Variants in LRRC7 observed in about 807,000 individuals in gnomAD.
The protein encoded by LRRC7 is leucine rich repeat containing 7.
A neutral mutation model predicts 175.7 loss-of-function variants in LRRC7; 23 were observed. The ratio of observed to expected loss-of-function variants is 0.13; its 90% CI spans 0.09 to 0.19. LRRC7 has a LOEUF of 0.19. Ranked by LOEUF, LRRC7 falls within the 10% of genes least tolerant of loss-of-function variation. The pLI, the probability that LRRC7 is intolerant of heterozygous loss-of-function variation, is 1.00. For synonymous variants in LRRC7, 685 were observed against 680.9 expected, an observed-to-expected ratio of 1.01 and a Z score of -0.09; for missense variants, 1,354 against 1,904.7, an observed-to-expected ratio of 0.71 and a Z score of 5.38.
intron 1 of LRRC7, among the ~76,000 whole-genome samples, chr1:69,583,277 TTAAC>T (rs1167061939): frequency 2.6e-5 from 4 of 152,020 alleles, no homozygotes; most frequent in African/African-American, 9.7e-5. Context: ...ATTTATTAAA[TTAAC>T]TATACTTTTA....
intron 1 of LRRC7, among the ~76,000 whole-genome samples, chr1:69,657,256 A>C (rs1656741624): frequency 6.6e-6 from 1 of 151,910 alleles, no homozygotes; most frequent in Non-Finnish European, 1.5e-5. Flanking sequence ...AGACTAAAAG[A>C]ATAATATTTA....
chr1:70,076,144 C>A lies in LRRC7; in HGVS notation c.4298C>A (p.Pro1433Gln), dbSNP rs1376546849. Residue 1433 changes from proline (P) to glutamine (Q), a missense_variant, in exon 24 of 27, where the codon CCG (proline) becomes CAG (glutamine). Physicochemically the swap from Pro to Gln is moderately conservative, Grantham distance 76. Transcript: ENST00000651989. The stretch of plus-strand genomic sequence containing the variant: ...CAGCATCGCAGCCGGGAGCAGCAGC[C>A]GTATGAAGGAAATATAAACAAAGTG... Reference protein sequence around the residue: ...SLQHRSREQQPYEGNINKVTI... With the variant: ...SLQHRSREQQQYEGNINKVTI... 1 of 1,613,866 alleles carries A rather than the reference C, an allele frequency of 6.2e-7. No homozygotes were observed. The highest frequency in any genetic ancestry group is 8.5e-7 in the Non-Finnish European group (1 of 1,179,976).
In LRRC7 at chr1:69,593,383, A is replaced by G. The variant is rs1259449403; in HGVS notation, c.2+24742A>G. Among the ~76,000 whole-genome samples, 6 of 152,218 alleles carry G rather than the reference A, an allele frequency of 3.9e-5. No homozygotes were observed. The South Asian group carries it at 1.2e-3, about 32-fold the overall frequency. On this transcript the variant is annotated intron_variant, in intron 1 of 26. Coordinates refer to ENST00000651989, the MANE Select transcript of LRRC7 (RefSeq NM_001370785.2). ...TTTGTATTTTTTTTATTGTTTTTAT[A>G]GTTTTGCTTTTAGAACCAATCACAA...
At chr1:69,952,997 CAAAAAAAAAAA>C (rs61277479) in intron 8 of LRRC7, among the ~76,000 whole-genome samples, 1 of 56,966 alleles carries the variant, frequency 1.8e-5, no homozygotes, top group Non-Finnish European at 4.3e-5. Flanking sequence ...AGAGACAAGG[CAAAAAAAAAAA>C]AAAAAAAAAA....
chr1:69,677,282 TATC>T (rs1659905240), intron 1 of LRRC7, among the ~76,000 whole-genome samples: 1 of 148,904 alleles, frequency 6.7e-6, no homozygotes, highest in Non-Finnish European at 1.5e-5. Context: ...GTATCATACA[TATC>T]ATATATATCC....
chr1:69,849,492 T>A (rs1266915249), intron 7 of LRRC7, among the ~76,000 whole-genome samples: 1 of 152,040 alleles, frequency 6.6e-6, no homozygotes, highest in Non-Finnish European at 1.5e-5. Flanking sequence ...TTAAAGAGCA[T>A]CTTTTAAATT....
At chr1:69,905,785 G>A (rs1419133504) in intron 7 of LRRC7, among the ~76,000 whole-genome samples, 1 of 152,192 alleles carries the variant, frequency 6.6e-6, no homozygotes, top group Non-Finnish European at 1.5e-5. Context: ...TAATGGGATG[G>A]CTGGGTCAAA....
At chr1:69,654,992 T>C (rs1656398925) in intron 1 of LRRC7, among the ~76,000 whole-genome samples, 2 of 152,068 alleles carry the variant, frequency 1.3e-5, no homozygotes, top group Non-Finnish European at 2.9e-5. Context: ...TCATCATAAC[T>C]GAGGTTTTCC....
chr1:70,005,182 G>T (rs2101937351), intron 11 of LRRC7, among the ~76,000 whole-genome samples: 1 of 152,004 alleles, frequency 6.6e-6, no homozygotes, highest in East Asian at 1.9e-4. Flanking sequence ...AGAAAACAGG[G>T]GTTAATAGTA....
At chr1:70,049,456 C>T (rs1660585422) in intron 22 of LRRC7, among the ~76,000 whole-genome samples, 1 of 152,200 alleles carries the variant, frequency 6.6e-6, no homozygotes, top group African/African-American at 2.4e-5. Context: ...ATTTACGCTG[C>T]ACCTCAGGGC....
chr1:70,023,012 A>T, intron 16 of LRRC7, 114 bp from the exon 17 acceptor site: 1 of 1,272,010 alleles, frequency 7.9e-7, no homozygotes. Context: ...TATGATCATT[A>T]TTTTAAATGC....
chr1:69,770,110 T>G (rs952052824), intron 3 of LRRC7, among the ~76,000 whole-genome samples: 4 of 152,208 alleles, frequency 2.6e-5, no homozygotes, highest in Non-Finnish European at 4.4e-5. Flanking sequence ...AAGACCTCCA[T>G]GTAACCGTGA....
At position 70,123,522 on chromosome 1, in the gene LRRC7, AC is replaced by A. The variant is rs1489481867; in HGVS notation, c.*1636del. 1 of 152,210 alleles carries A rather than the reference AC, an allele frequency of 6.6e-6. No individual in the cohort carries two copies. The highest frequency in any genetic ancestry group is 6.5e-5 in the Admixed American group (1 of 15,280). The allele number at this position is 152,210 out of a possible 1,614,324, so 9.4% of individuals were successfully genotyped here. ...GTATTTTTTGGCAATAGAATTTGTC[AC>A]TTGGGAGAAAATAATACTTCACTTT... On this transcript the variant is annotated 3_prime_UTR_variant, in exon 27 of 27. Coordinates refer to ENST00000651989, the MANE Select transcript of LRRC7 (RefSeq NM_001370785.2).
chr1:69,799,488 A>G (rs1445382692), intron 4 of LRRC7, among the ~76,000 whole-genome samples: 2 of 152,108 alleles, frequency 1.3e-5, no homozygotes, highest in Non-Finnish European at 2.9e-5. Flanking sequence ...GAGTTGTTTT[A>G]CTTAAGATAA....
At chr1:69,972,540 G>A (rs1227642769) in intron 8 of LRRC7, among the ~76,000 whole-genome samples, 1 of 152,146 alleles carries the variant, frequency 6.6e-6, no homozygotes, top group African/African-American at 2.4e-5. Context: ...CTAGTGATCA[G>A]GGAAATGCAA....
chr1:69,892,960 G>A (rs11579093), intron 7 of LRRC7, among the ~76,000 whole-genome samples: 3 of 151,996 alleles, frequency 2.0e-5, no homozygotes, highest in South Asian at 2.1e-4. Flanking sequence ...TTACCTCCAA[G>A]GCACTTGATT....
intron 7 of LRRC7, among the ~76,000 whole-genome samples, chr1:69,839,780 G>C (rs1409743168): frequency 6.6e-6 from 1 of 151,760 alleles, no homozygotes; most frequent in East Asian, 1.9e-4. Context: ...AGGTTGTTAG[G>C]TTTTCAAATA....
intron 22 of LRRC7, among the ~76,000 whole-genome samples, chr1:70,044,457 C>T (rs939062387): frequency 6.6e-6 from 1 of 151,886 alleles, no homozygotes; most frequent in Non-Finnish European, 1.5e-5. Context: ...ATAGTCCTAT[C>T]GTCCTGGTGA....
At chr1:69,575,214 T>G (rs1383086699) in intron 1 of LRRC7, among the ~76,000 whole-genome samples, 1 of 152,026 alleles carries the variant, frequency 6.6e-6, no homozygotes, top group Non-Finnish European at 1.5e-5. Context: ...AGCAATAAAA[T>G]CAGGTCTTGT....
Sources: gnomAD v4.1 joint callset for allele counts (sites outside exome capture counted in the v4.1 genomes callset) on GRCh38, gnomAD v4.1.1 for gene constraint, MANE v1.5 for transcripts, NCBI Gene and HGNC (gene_info 2026-07-23, HGNC 2026-07-21) for gene names.